The following NEK5 variants were observed in gnomAD, a reference collection of about 807,000 sequenced individuals.
NEK5 encodes the protein serine/threonine-protein kinase Nek5.
NEK5 carries 88 observed loss-of-function variants against 109.2 expected under a neutral mutation model. That is an observed-to-expected ratio of 0.81 (90% confidence interval 0.68 to 0.96). The LOEUF (loss-of-function observed/expected upper bound fraction) is 0.96, where lower values mean the gene tolerates loss of function less well. Among genes scored for constraint, NEK5 ranks in the 40% least tolerant of loss-of-function variants. NEK5 has a pLI of 0.00. For synonymous variants in NEK5, 283 were observed against 299.9 expected, an observed-to-expected ratio of 0.94 and a Z score of 0.58; for missense variants, 834 against 920.7, an observed-to-expected ratio of 0.91 and a Z score of 1.22.
chr13:52,104,817 T>G (rs1955619245), intron 8 of NEK5, among the ~76,000 whole-genome samples: 1 of 152,246 alleles, frequency 6.6e-6, no homozygotes. Flanking sequence ...TTCAGCTTCC[T>G]GCTCAAAAAC....
chr13:52,035,019 T>TCTGAA lies in NEK5; in HGVS notation c.*1924_*1928dup, dbSNP rs1178275900. On this transcript the variant is annotated 3_prime_UTR_variant, in exon 24 of 24. Coordinates refer to ENST00000684899, the MANE Select transcript of NEK5 (RefSeq NM_001365552.1). ...TGAAGTCACTAGCAGTTTTACTATG[T>TCTGAA]CTGAACTAGTCCTGAAAGTAAATAA... The TCTGAA allele has an allele frequency of 6.6e-6, 1 of 152,038 alleles. No individual in the cohort carries two copies. The highest frequency in any genetic ancestry group is 1.5e-5 in the Non-Finnish European group (1 of 68,032). The allele number at this position is 152,038 out of a possible 1,614,324, so 9.4% of individuals were successfully genotyped here.
intron 22 of NEK5, among the ~76,000 whole-genome samples, chr13:52,057,399 A>C (rs1440448220): frequency 2.6e-5 from 4 of 151,474 alleles, no homozygotes; most frequent in Non-Finnish European, 5.9e-5. Context: ...TTCCTTCTGA[A>C]ACTATTCCAA....
At position 52,089,961 on chromosome 13, in the gene NEK5, C is replaced by G. The variant is rs576982098; in HGVS notation, c.1209-648G>C. On this transcript the variant is annotated intron_variant, in intron 13 of 23. Transcript: ENST00000684899. ...TGAGTGACAGAGTGAGACTCCATCT[C>G]AAAAAAAAAAGAAAAAAAGAAAAGA... Among the ~76,000 whole-genome samples, 44 of 137,766 alleles carry G rather than the reference C, an allele frequency of 3.2e-4. 1 individual carries two copies. The South Asian group carries it at 0.01, about 32-fold the overall frequency. The allele number at this position is 137,766 out of a possible 152,430, so 90.4% of individuals were successfully genotyped here.
intron 19 of NEK5, 28 bp from the exon 20 acceptor site, chr13:52,072,098 T>C: frequency 6.4e-7 from 1 of 1,573,204 alleles, no homozygotes; most frequent in Non-Finnish European, 8.6e-7. Flanking sequence ...TGTTTCATGA[T>C]AAATTAGCCA....
In NEK5 at chr13:52,099,731, A is replaced by G. The variant is rs766745931; in HGVS notation, c.1026+12T>C. 4 of 1,611,274 alleles carry G rather than the reference A, an allele frequency of 2.5e-6. No individual in the cohort carries two copies. The East Asian group carries it at 8.9e-5, about 36-fold the overall frequency. On this transcript the variant is annotated intron_variant, in intron 12 of 23. Coordinates refer to ENST00000684899, the MANE Select transcript of NEK5 (RefSeq NM_001365552.1). Reference sequence around the variant, plus strand: ...AGCTAAAAAACACAAAGGAGGGTTTAGAATGACTTACAGATCTGGCCTTCT... The same window carrying G: ...AGCTAAAAAACACAAAGGAGGGTTTGGAATGACTTACAGATCTGGCCTTCT...
rs372139112 is a variant in NEK5, at chr13:52,101,113, C to A, written c.892+820G>T. Among the ~76,000 whole-genome samples the A allele has an allele frequency of 2.6e-5, 4 of 152,156 alleles. No individual in the cohort carries two copies. The East Asian group carries it at 5.8e-4, about 22-fold the overall frequency. On this transcript the variant is annotated intron_variant, in intron 11 of 23. Transcript: ENST00000684899. ...TTGACACCAGGACTAAAATAGTTTTCTCCGGCCTGGCGCGGTGGCTCACGC... is the reference window on the plus strand; with the variant it reads ...TTGACACCAGGACTAAAATAGTTTTATCCGGCCTGGCGCGGTGGCTCACGC...
chr13:52,037,324 G>T, intron 23 of NEK5, 106 bp from the exon 24 acceptor site: 1 of 424,354 alleles, frequency 2.4e-6, no homozygotes, highest in East Asian at 1.6e-4. Flanking sequence ...CAATATAAAA[G>T]TTGCATTTTC....
At chr13:52,109,329 T>G (rs536472013) in intron 7 of NEK5, among the ~76,000 whole-genome samples, 3 of 152,216 alleles carry the variant, frequency 2.0e-5, no homozygotes, top group African/African-American at 7.2e-5. Flanking sequence ...GCATTAACAT[T>G]AAAACAGACC....
rs536942247 is a variant in NEK5, at chr13:52,050,104, G to A, written c.2228C>T (p.Thr743Ile). The A allele has an allele frequency of 7.2e-6, 7 of 965,622 alleles. No homozygotes were observed. The highest frequency in any genetic ancestry group is 3.5e-5 in the African/African-American group (2 of 56,922). The allele number at this position is 965,622 out of a possible 1,614,324, so 59.8% of individuals were successfully genotyped here. A position where few individuals can be genotyped will look rare whatever the true frequency, so the allele number is the denominator to read the frequency against. The change falls in exon 23 of 24, where the codon ACA (threonine) becomes ATA (isoleucine). Residue 743 changes from threonine to isoleucine, a missense_variant and splice_region_variant. Physicochemically the swap from Thr to Ile is moderately conservative, Grantham distance 89. This residue lies in a region of NEK5 where 57 missense variants were observed against 96.0 expected (regional missense o/e 0.59). Transcript: ENST00000684899. ...AGGTATCGGCAAATGATCTACTTACGTATCATCATCATCAGATCTTGGTTC... is the reference window on the plus strand; with the variant it reads ...AGGTATCGGCAAATGATCTACTTACATATCATCATCATCAGATCTTGGTTC... Reference protein sequence around the residue: ...QLEPRSDDDDTNFEESEDELR... With the variant: ...QLEPRSDDDDINFEESEDELR...
chr13:52,044,870 G>T (rs190446353), intron 23 of NEK5, among the ~76,000 whole-genome samples: 10 of 152,196 alleles, frequency 6.6e-5, no homozygotes, highest in Admixed American at 5.2e-4. Context: ...AATTCTGCTG[G>T]CAAGGAGGCT....
At chr13:52,123,324 GAGT>G (rs1399927598) in intron 3 of NEK5, among the ~76,000 whole-genome samples, 1 of 152,134 alleles carries the variant, frequency 6.6e-6, no homozygotes, top group Non-Finnish European at 1.5e-5. Flanking sequence ...ATAGTGACAA[GAGT>G]AGTTCATGAG....
chr13:52,067,081 T>G (rs1954703243), intron 20 of NEK5, among the ~76,000 whole-genome samples: 1 of 152,190 alleles, frequency 6.6e-6, no homozygotes, highest in Non-Finnish European at 1.5e-5. Flanking sequence ...TTTAACTATT[T>G]GGGTGCTACT....
At chr13:52,122,950 C>T (rs1955999016) in intron 3 of NEK5, among the ~76,000 whole-genome samples, 1 of 152,112 alleles carries the variant, frequency 6.6e-6, no homozygotes, top group Non-Finnish European at 1.5e-5. Context: ...TTCAAAATTT[C>T]TACAACGAAC....
At chr13:52,077,575 A>T (rs1325212770) in intron 17 of NEK5, among the ~76,000 whole-genome samples, 1 of 152,198 alleles carries the variant, frequency 6.6e-6, no homozygotes, top group Non-Finnish European at 1.5e-5. Context: ...AGAGTCTGAA[A>T]GACAAAGACC....
intron 12 of NEK5, among the ~76,000 whole-genome samples, chr13:52,097,799 TG>T (rs760576842): frequency 1.3e-4 from 20 of 152,138 alleles, no homozygotes; most frequent in Non-Finnish European, 7.3e-5. Context: ...ATATGGGAAT[TG>T]GGAGGGGCCA....
In NEK5 at chr13:52,102,150, T is replaced by C; in HGVS notation, c.752A>G (p.Asn251Ser). 1 of 1,614,016 alleles carries C rather than the reference T, an allele frequency of 6.2e-7. No individual in the cohort carries two copies. The highest frequency in any genetic ancestry group is 8.5e-7 in the Non-Finnish European group (1 of 1,179,932). Residue 251 changes from asparagine (N) to serine (S), a missense_variant, in exon 10 of 24, where the codon AAT becomes AGT. By Grantham distance (46) the Asn-to-Ser change is conservative. Around this residue, in one of 2 missense-constraint regions of NEK5, gnomAD observed 777 missense variants for 824.7 expected, o/e 0.94. Transcript: ENST00000684899. The stretch of plus-strand genomic sequence containing the variant: ...TAAAAAGGGCCTTTTCAAAATGGAA[T>C]TTATGGATGGTCGGTCTCGAGGAGA... ...QVSPRDRPSI[N>S]SILKRPFLEN...
chr13:52,063,211 T>A (rs1593925873), intron 21 of NEK5, among the ~76,000 whole-genome samples: 1 of 152,336 alleles, frequency 6.6e-6, no homozygotes, highest in Non-Finnish European at 1.5e-5. Flanking sequence ...TGCCCGTGAT[T>A]ACAGACACGC....
chr13:52,128,641 A>G (rs141497256), intron 1 of NEK5, among the ~76,000 whole-genome samples: 2,350 of 152,128 alleles, frequency 0.015, 73 homozygotes, highest in Admixed American at 0.081. Context: ...CAGACACCGG[A>G]GGATCGGGTT....
chr13:52,061,789 T>G, intron 22 of NEK5, 30 bp downstream of exon 22: 1 of 959,040 alleles, frequency 1.0e-6, no homozygotes, highest in Non-Finnish European at 1.2e-6. Flanking sequence ...CTCTGAGGAC[T>G]GGTTATGTTG....
Sources: gnomAD v4.1 joint callset for allele counts (sites outside exome capture counted in the v4.1 genomes callset) on GRCh38, gnomAD v4.1.1 for gene constraint, gnomAD v4.1.1 regional missense constraint, MANE v1.5 for transcripts, NCBI Gene and HGNC (gene_info 2026-07-23, HGNC 2026-07-21) for gene names.